TACR1: variants seen among roughly 807,000 people sequenced by gnomAD.
TACR1 encodes substance-P receptor.
Under a neutral mutation model 35.8 loss-of-function variants are expected in TACR1, and 25 were observed. The observed-to-expected ratio is 0.70, with a 90% CI of 0.51 to 0.98. The LOEUF (loss-of-function observed/expected upper bound fraction) is 0.98. Among genes scored for constraint, TACR1 ranks in the 50% least tolerant of loss-of-function variants. The pLI is 0.00. For synonymous variants in TACR1, 195 were observed against 206.7 expected (o/e 0.94, Z 0.48); for missense variants, 478 against 522.9 (o/e 0.91, Z 0.84).
At chr2:75,160,940 C>T (rs1476774058) in intron 1 of TACR1, among the ~76,000 whole-genome samples, 1 of 151,250 alleles carries the variant, frequency 6.6e-6, no homozygotes, top group African/African-American at 2.4e-5. Context: ...AACATTTTGC[C>T]TATAAAGGAA....
intron 1 of TACR1, among the ~76,000 whole-genome samples, chr2:75,127,962 C>A (rs1169242786): frequency 6.6e-6 from 1 of 152,182 alleles, no homozygotes; most frequent in Non-Finnish European, 1.5e-5. Flanking sequence ...TAGCTGTCCT[C>A]CCTTATGGAA....
In TACR1 at chr2:75,129,911, C is replaced by T. The variant is rs75156467; in HGVS notation, c.390-9143G>A. ...GACTAGGAAGGGGAATGATATTTCC[C>T]TGCCTCCTCCTCACTCAGGGTAGCC... On this transcript the variant is annotated intron_variant, in intron 1 of 4. Coordinates refer to ENST00000305249, the MANE Select transcript of TACR1 (RefSeq NM_001058.4). Among the ~76,000 whole-genome samples the T allele has an allele frequency of 5.9e-3, 895 of 152,294 alleles. 8 individuals carry two copies. Among genetic ancestry groups the T allele is most frequent in the African/African-American group, 0.02 (831 of 41,572 alleles).
intron 1 of TACR1, among the ~76,000 whole-genome samples, chr2:75,159,696 C>T (rs1184362546): frequency 6.6e-6 from 1 of 152,164 alleles, no homozygotes; most frequent in African/African-American, 2.4e-5. Flanking sequence ...ACCACACTTT[C>T]CCTAATATTA....
intron 1 of TACR1, among the ~76,000 whole-genome samples, chr2:75,150,745 A>C (rs1336156468): frequency 6.6e-6 from 1 of 152,356 alleles, no homozygotes; most frequent in East Asian, 1.9e-4. Context: ...GGAACTGGGT[A>C]ACAGGTAGAG....
intron 2 of TACR1, among the ~76,000 whole-genome samples, chr2:75,089,980 A>C (rs1673276494): frequency 6.6e-6 from 1 of 152,150 alleles, no homozygotes; most frequent in Non-Finnish European, 1.5e-5. Flanking sequence ...CATCATCATC[A>C]CCATTCAACT....
intron 2 of TACR1, among the ~76,000 whole-genome samples, chr2:75,079,563 A>T (rs1673042447): frequency 6.6e-6 from 1 of 152,080 alleles, no homozygotes; most frequent in Non-Finnish European, 1.5e-5. Flanking sequence ...TGCTATCTCC[A>T]GGCACCATGG....
At chr2:75,115,197 A>AAT (rs3079165) in intron 2 of TACR1, among the ~76,000 whole-genome samples, 89,484 of 151,124 alleles carry the variant, frequency 0.59, 26,942 homozygotes, top group Non-Finnish European at 0.62. Flanking sequence ...CAGATTATAA[A>AAT]ATATATATAT....
At chr2:75,163,924 G>C (rs1469746431) in intron 1 of TACR1, among the ~76,000 whole-genome samples, 1 of 151,788 alleles carries the variant, frequency 6.6e-6, no homozygotes, top group Non-Finnish European at 1.5e-5. Context: ...TATTTCTTTG[G>C]AGTATTTCAT....
chr2:75,123,529 G>A (rs779884012), intron 1 of TACR1, among the ~76,000 whole-genome samples: 14 of 152,128 alleles, frequency 9.2e-5, no homozygotes, highest in African/African-American at 2.9e-4. Context: ...ATTTGGGAAC[G>A]CACTTCAGTT....
intron 1 of TACR1, among the ~76,000 whole-genome samples, chr2:75,157,417 T>C (rs1456082844): frequency 6.6e-6 from 1 of 152,162 alleles, no homozygotes. Context: ...CAAACAAGCA[T>C]CATAACGACC....
At chr2:75,163,193 C>G (rs1457346415) in intron 1 of TACR1, among the ~76,000 whole-genome samples, 1 of 152,162 alleles carries the variant, frequency 6.6e-6, no homozygotes, top group Non-Finnish European at 1.5e-5. Context: ...GGAGAGTCCC[C>G]ATTGATTCAC....
intron 1 of TACR1, among the ~76,000 whole-genome samples, chr2:75,121,383 C>T (rs913393411): frequency 4.6e-5 from 7 of 152,178 alleles, no homozygotes; most frequent in African/African-American, 1.2e-4. Context: ...AAGAGAAAGA[C>T]GGTCTCCACC....
chr2:75,191,176 C>T (rs1675836357), intron 1 of TACR1, among the ~76,000 whole-genome samples: 2 of 152,148 alleles, frequency 1.3e-5, no homozygotes, highest in African/African-American at 4.8e-5. Context: ...AGCCAGTTCC[C>T]CAGTCAGTCT....
At chr2:75,067,597 G>A (rs188399891) in intron 2 of TACR1, among the ~76,000 whole-genome samples, 69 of 152,298 alleles carry the variant, frequency 4.5e-4, no homozygotes, top group Admixed American at 3.9e-3. Flanking sequence ...GAATAGAGGA[G>A]CCAAACAAGG....
chr2:75,138,113 G>A lies in TACR1; in HGVS notation c.390-17345C>T, dbSNP rs573142560. 2.1e-4 allele frequency among the ~76,000 whole-genome samples: 32 copies of A among 152,304 alleles called. No homozygotes were observed. The South Asian group carries it at 5.6e-3, about 27-fold the overall frequency. ...ACGACAGGTGAGGAAACTGGGGTTCGTGGATATGCAGCAGTTACATAGTAG... is the reference window on the plus strand; with the variant it reads ...ACGACAGGTGAGGAAACTGGGGTTCATGGATATGCAGCAGTTACATAGTAG... On this transcript the variant is annotated intron_variant, in intron 1 of 4. Coordinates refer to ENST00000305249, the MANE Select transcript of TACR1 (RefSeq NM_001058.4).
chr2:75,081,184 C>A (rs952073045), intron 2 of TACR1, among the ~76,000 whole-genome samples: 1 of 152,156 alleles, frequency 6.6e-6, no homozygotes, highest in Non-Finnish European at 1.5e-5. Context: ...AATATAGAAA[C>A]ACGATGTAAA....
rs182425171 is a variant in TACR1, at chr2:75,147,412, T to A, written c.390-26644A>T. ...TATCCATCCCTATAAAGTGTATTTT[T>A]AAAAATTTTTATTTTACTTTAAGTT... is the stretch of plus-strand genomic sequence containing the variant. On this transcript the variant is annotated intron_variant, in intron 1 of 4. Transcript: ENST00000305249. Among the ~76,000 whole-genome samples the A allele has an allele frequency of 6.3e-4, 96 of 152,346 alleles. 1 individual carries two copies. The highest frequency in any genetic ancestry group is 1.7e-3 in the African/African-American group (71 of 41,592).
chr2:75,136,709 T>G (rs1674299590), intron 1 of TACR1, among the ~76,000 whole-genome samples: 4 of 152,204 alleles, frequency 2.6e-5, no homozygotes. Context: ...CCATCACACT[T>G]GATTATTGTG....
chr2:75,102,619 C>A (rs1278490086), intron 2 of TACR1, among the ~76,000 whole-genome samples: 1 of 152,082 alleles, frequency 6.6e-6, no homozygotes, highest in African/African-American at 2.4e-5. Flanking sequence ...AAGAAGATAT[C>A]ACTTTGCCTT....
Sources: allele counts gnomAD v4.1 joint callset (sites outside exome capture counted in the v4.1 genomes callset), GRCh38; gene constraint gnomAD v4.1.1; transcripts MANE v1.5; gene names NCBI Gene and HGNC (gene_info 2026-07-23, HGNC 2026-07-21).